PDGFC: variants seen among roughly 807,000 people sequenced by gnomAD.
PDGFC encodes the protein platelet derived growth factor C.
A neutral mutation model predicts 35.5 loss-of-function variants in PDGFC; 12 were observed. The observed-to-expected ratio is 0.34, with a 90% CI of 0.22 to 0.55. The LOEUF (loss-of-function observed/expected upper bound fraction) is 0.55. Ranked by LOEUF, PDGFC falls within the 20% of genes least tolerant of loss-of-function variation. The pLI is 0.91. For missense variants in PDGFC, 322 were observed against 412.4 expected (o/e 0.78, Z 1.90); for synonymous variants, 159 against 148.8 (o/e 1.07, Z -0.50).
At chr4:156,888,148 A>G (rs1730419747) in intron 1 of PDGFC, among the ~76,000 whole-genome samples, 1 of 152,196 alleles carries the variant, frequency 6.6e-6, no homozygotes, top group Non-Finnish European at 1.5e-5. Context: ...TGTCTTGTCA[A>G]CCGTAGTACT....
intron 2 of PDGFC, among the ~76,000 whole-genome samples, chr4:156,847,855 T>C (rs568807258): frequency 4.2e-4 from 58 of 137,614 alleles, no homozygotes; most frequent in African/African-American, 8.9e-4. Flanking sequence ...TAAGACAGTG[T>C]CATTCATTTA....
chr4:156,958,695 C>A (rs371089434), intron 1 of PDGFC, among the ~76,000 whole-genome samples: 1 of 152,046 alleles, frequency 6.6e-6, no homozygotes, highest in African/African-American at 2.4e-5. Flanking sequence ...ACCATTAATG[C>A]GCAGCACAAC....
At chr4:156,841,789 AG>A (rs1165309797) in intron 2 of PDGFC, among the ~76,000 whole-genome samples, 9 of 152,100 alleles carry the variant, frequency 5.9e-5, no homozygotes, top group African/African-American at 2.2e-4. Flanking sequence ...TACAGGCATG[AG>A]CCACCACACC....
chr4:156,843,777 C>T (rs1729261738), intron 2 of PDGFC, among the ~76,000 whole-genome samples: 1 of 152,160 alleles, frequency 6.6e-6, no homozygotes, highest in Non-Finnish European at 1.5e-5. Flanking sequence ...ACCAAAACCA[C>T]CTACCCTCCC....
rs958182714 is a variant in PDGFC, at chr4:156,949,434, T to G, written c.118+21352A>C. Among the ~76,000 whole-genome samples the G allele has an allele frequency of 2.7e-5, 4 of 150,346 alleles. No homozygotes were observed. The South Asian group carries it at 8.3e-4, about 31-fold the overall frequency. On this transcript the variant is annotated intron_variant, in intron 1 of 5. Transcript: ENST00000502773. ...AAAAAGTAGTATGTGTGTGTGTCTC[T>G]CTCTCTTTCTCTCTCGCTCTTTCTC...
intron 1 of PDGFC, among the ~76,000 whole-genome samples, chr4:156,895,855 TAC>T (rs910454360): frequency 6.6e-6 from 1 of 152,104 alleles, no homozygotes; most frequent in Non-Finnish European, 1.5e-5. Flanking sequence ...ACAGGAAAGT[TAC>T]AGTGAGAGTA....
intron 4 of PDGFC, among the ~76,000 whole-genome samples, chr4:156,772,323 G>T (rs1054567794): frequency 1.3e-5 from 2 of 152,086 alleles, no homozygotes; most frequent in Non-Finnish European, 2.9e-5. Context: ...TGGTTTTGCA[G>T]CTATGATAAT....
At chr4:156,883,130 A>T (rs896201702) in intron 1 of PDGFC, among the ~76,000 whole-genome samples, 1 of 151,830 alleles carries the variant, frequency 6.6e-6, no homozygotes, top group Non-Finnish European at 1.5e-5. Context: ...TCTCACTTGA[A>T]GTCAACCCTG....
In PDGFC at chr4:156,810,973, A is replaced by G; in HGVS notation, c.359T>C (p.Leu120Ser). Residue 120 changes from leucine (L) to serine (S), a missense_variant, in exon 3 of 6, where the codon TTA becomes TCA. Coordinates refer to ENST00000502773, the MANE Select transcript of PDGFC (RefSeq NM_016205.3). ...AGTACCAGAACCACACCAGCGCCCT[A>G]ATATAGTTCCATCACTGGGTTCCTC... ...EVEEPSDGTI[L>S]GRWCGSGTVP... 1 of 1,598,818 alleles carries G rather than the reference A, an allele frequency of 6.3e-7. No individual in the cohort carries two copies. The highest frequency in any genetic ancestry group is 8.5e-7 in the Non-Finnish European group (1 of 1,173,660).
At chr4:156,872,939 G>C (rs1478140186) in intron 1 of PDGFC, among the ~76,000 whole-genome samples, 2 of 152,102 alleles carry the variant, frequency 1.3e-5, no homozygotes, top group African/African-American at 4.8e-5. Context: ...AGACCAGTCT[G>C]GGCAACACAG....
intron 1 of PDGFC, among the ~76,000 whole-genome samples, chr4:156,966,012 G>A (rs150754988): frequency 6.6e-6 from 1 of 152,110 alleles, no homozygotes; most frequent in Non-Finnish European, 1.5e-5. Flanking sequence ...ATTTGTCTTA[G>A]AGGAGTTGCA....
intron 2 of PDGFC, among the ~76,000 whole-genome samples, chr4:156,845,439 T>C (rs1183305042): frequency 2.0e-5 from 3 of 151,834 alleles, no homozygotes; most frequent in African/African-American, 7.2e-5. Context: ...TTGTGCTTTG[T>C]GGAAAATTAT....
rs749258476 is a variant in PDGFC at position 156,772,674 on chromosome 4, G to A, written c.703+12C>T. 87 of 1,583,800 alleles carry A rather than the reference G, an allele frequency of 5.5e-5. No individual in the cohort carries two copies. In the Middle Eastern group the frequency reaches 6.9e-4, roughly 13 times the overall value. ...AAATTAAATGAGGTTCTAATCTGAA[G>A]AGGGAGCTTACCTCTGGATTTTCTT... On this transcript the variant is annotated intron_variant, in intron 4 of 5. Transcript: ENST00000502773.
intron 1 of PDGFC, among the ~76,000 whole-genome samples, chr4:156,948,172 G>A (rs1579119211): frequency 1.5e-5 from 2 of 137,698 alleles, no homozygotes; most frequent in South Asian, 2.3e-4. Context: ...AAACCTCCCA[G>A]AATATTGTCT....
At chr4:156,949,059 C>T (rs1317116256) in intron 1 of PDGFC, among the ~76,000 whole-genome samples, 3 of 151,824 alleles carry the variant, frequency 2.0e-5, no homozygotes, top group Non-Finnish European at 2.9e-5. Context: ...GCCCAAATGT[C>T]CATCTCTGAA....
chr4:156,889,953 T>C lies in PDGFC; in HGVS notation c.119-39537A>G, dbSNP rs374575924. On this transcript the variant is annotated intron_variant, in intron 1 of 5. Transcript: ENST00000502773. ...GTTTATTGGGGGGAAAGCTATGTGG[T>C]AACTTATTTGATTGACTCATTGACG... is the stretch of plus-strand genomic sequence containing the variant. Among the ~76,000 whole-genome samples the C allele has an allele frequency of 2.6e-3, 394 of 152,280 alleles. 1 individual carries two copies. The highest frequency in any genetic ancestry group is 9.1e-3 in the African/African-American group (377 of 41,554).
intron 1 of PDGFC, among the ~76,000 whole-genome samples, chr4:156,885,689 A>C (rs138964872): frequency 6.6e-6 from 1 of 152,142 alleles, no homozygotes; most frequent in African/African-American, 2.4e-5. Context: ...CCAGGAGCTC[A>C]AGGCCAGCCT....
chr4:156,927,073 A>G (rs1731432871), intron 1 of PDGFC, among the ~76,000 whole-genome samples: 1 of 152,218 alleles, frequency 6.6e-6, no homozygotes, highest in South Asian at 2.1e-4. Flanking sequence ...TGGAAGCTGC[A>G]AGGTTTAGGG....
chr4:156,883,320 A>C (rs1375543514), intron 1 of PDGFC, among the ~76,000 whole-genome samples: 2 of 152,100 alleles, frequency 1.3e-5, no homozygotes, highest in African/African-American at 2.4e-5. Flanking sequence ...GATTATACTC[A>C]ATGGAAAGAT....
Sources: gnomAD v4.1 joint callset for allele counts (sites outside exome capture counted in the v4.1 genomes callset) on GRCh38, gnomAD v4.1.1 for gene constraint, MANE v1.5 for transcripts, NCBI Gene and HGNC (gene_info 2026-07-23, HGNC 2026-07-21) for gene names.